SHQ1: variants seen among roughly 807,000 people sequenced by gnomAD.
The protein encoded by SHQ1 is protein SHQ1 homolog.
Under a neutral mutation model 53.8 loss-of-function variants are expected in SHQ1, and 49 were observed. The ratio of observed to expected loss-of-function variants is 0.91; its 90% confidence interval spans 0.72 to 1.16. SHQ1 has a LOEUF of 1.16. Among genes scored for constraint, SHQ1 ranks in the 50% most tolerant of loss-of-function variants. The probability of loss-of-function intolerance (pLI) is 0.00; values close to 1 mark genes in which losing one functional copy is unlikely to be tolerated. For synonymous variants in SHQ1, 243 were observed against 251.0 expected (o/e 0.97, Z 0.30); for missense variants, 738 against 683.1 (o/e 1.08, Z -0.90).
downstream of SHQ1, among the ~76,000 whole-genome samples, chr3:72,747,326 T>A (rs1306628768): frequency 6.6e-6 from 1 of 152,168 alleles, no homozygotes; most frequent in African/African-American, 2.4e-5. Flanking sequence ...AGAATTACAC[T>A]TCCAATCCCG....
intron 8 of SHQ1, among the ~76,000 whole-genome samples, chr3:72,813,587 C>A (rs938130180): frequency 4.6e-5 from 7 of 151,416 alleles, no homozygotes; most frequent in Non-Finnish European, 7.4e-5. Context: ...CACGATGAAA[C>A]CCCGTCTCTA....
chr3:72,833,440 G>A (rs867001999), intron 4 of SHQ1, among the ~76,000 whole-genome samples: 2 of 146,794 alleles, frequency 1.4e-5, no homozygotes, highest in African/African-American at 5.1e-5. Flanking sequence ...GACTCTATCA[G>A]AGATGATAGA....
intron 9 of SHQ1, among the ~76,000 whole-genome samples, chr3:72,797,351 A>C (rs1056709314): frequency 4.6e-5 from 7 of 152,216 alleles, no homozygotes; most frequent in Admixed American, 4.6e-4. Context: ...TCCACTGAGC[A>C]AATATGTGAG....
At chr3:72,815,265 G>C in intron 8 of SHQ1, 85 bp downstream of exon 8, 1 of 1,097,076 alleles carries the variant, frequency 9.1e-7, no homozygotes, top group Non-Finnish European at 1.4e-6. Context: ...TCAAGGAATT[G>C]CTTGAATTAC....
chr3:72,732,932 C>T, the SHQ1 span, among the ~76,000 whole-genome samples: 43 of 151,716 alleles, frequency 2.8e-4, 1 homozygote, highest in Admixed American at 9.2e-4. Flanking sequence ...CTGGGTTTGT[C>T]GGGGAATAAT....
the SHQ1 span, among the ~76,000 whole-genome samples, chr3:72,725,309 G>T: frequency 6.6e-6 from 1 of 152,156 alleles, no homozygotes; most frequent in Non-Finnish European, 1.5e-5. Flanking sequence ...TCTCCAAACT[G>T]GCCTCTGCAC....
chr3:72,833,487 TAGATAGATAGATAGAC>T (rs200346273), intron 4 of SHQ1, among the ~76,000 whole-genome samples: 8,954 of 101,302 alleles, frequency 0.088, 318 homozygotes, highest in South Asian at 0.088. Context: ...GATAGATAGA[TAGATAGATAGATAGAC>T]AGACAGACAG....
intron 10 of SHQ1, among the ~76,000 whole-genome samples, chr3:72,760,249 T>G (rs2106716621): frequency 6.6e-6 from 1 of 152,316 alleles, no homozygotes; most frequent in East Asian, 1.9e-4. Context: ...ATAAAAATAC[T>G]GGCAAGATGG....
the SHQ1 span, among the ~76,000 whole-genome samples, chr3:72,726,648 G>A: frequency 1.3e-5 from 2 of 152,132 alleles, no homozygotes; most frequent in African/African-American, 4.8e-5. Flanking sequence ...CACCACGCCG[G>A]GCCACATTTG....
the SHQ1 span, among the ~76,000 whole-genome samples, chr3:72,740,653 C>T: frequency 6.6e-6 from 1 of 152,116 alleles, no homozygotes; most frequent in Non-Finnish European, 1.5e-5. Context: ...AATGCTCAGG[C>T]GTTATGGAGC....
the SHQ1 span, among the ~76,000 whole-genome samples, chr3:72,738,432 C>T: frequency 2.0e-5 from 3 of 152,066 alleles, no homozygotes; most frequent in East Asian, 1.9e-4. Context: ...TTCAATGTGC[C>T]CCGAGAGCCA....
chr3:72,807,386 A>C (rs1472742671), intron 9 of SHQ1, among the ~76,000 whole-genome samples: 1 of 152,234 alleles, frequency 6.6e-6, no homozygotes, highest in Non-Finnish European at 1.5e-5. Context: ...GGTTCTCAAC[A>C]AATACTTGTT....
At chr3:72,761,203 G>C (rs114549363) in intron 10 of SHQ1, among the ~76,000 whole-genome samples, 2,852 of 152,028 alleles carry the variant, frequency 0.019, 87 homozygotes, top group African/African-American at 0.063. Context: ...ATGGAGTCTT[G>C]TTCCATCGCC....
At position 72,753,834 on chromosome 3, in the gene SHQ1, A is replaced by T. The variant is rs1575673711; in HGVS notation, c.1182-2998T>A. 3.3e-5 allele frequency among the ~76,000 whole-genome samples: 5 copies of T among 152,330 alleles called. No homozygotes were observed. In the Middle Eastern group the frequency reaches 0.01, roughly 311 times the overall value. On this transcript the variant is annotated intron_variant, in intron 10 of 10. Coordinates refer to ENST00000325599, the MANE Select transcript of SHQ1 (RefSeq NM_018130.3). ...TTGCATTTATACCCAAGACAGTTGTAGATAATGTCCACCATATATTTTGAA... is the reference window on the plus strand; with the variant it reads ...TTGCATTTATACCCAAGACAGTTGTTGATAATGTCCACCATATATTTTGAA...
chr3:72,824,362 G>A lies in SHQ1; in HGVS notation c.727+62C>T, dbSNP rs1707579383. ...TATACGCTTAATAATATGGAAGGCAGTAAACGTGGTACACCATGAGATTTT... is the reference window on the plus strand; with the variant it reads ...TATACGCTTAATAATATGGAAGGCAATAAACGTGGTACACCATGAGATTTT... On this transcript the variant is annotated intron_variant, in intron 6 of 10. Transcript: ENST00000325599. 3 of 1,579,910 alleles carry A rather than the reference G, an allele frequency of 1.9e-6. No homozygotes were observed. The East Asian group carries it at 6.8e-5, about 36-fold the overall frequency.
At chr3:72,741,949 C>T in the SHQ1 span, among the ~76,000 whole-genome samples, 2 of 152,010 alleles carry the variant, frequency 1.3e-5, no homozygotes, top group Non-Finnish European at 2.9e-5. Flanking sequence ...GTAGGTTATA[C>T]ACAACTATTA....
At chr3:72,790,599 T>G (rs977036243) in intron 10 of SHQ1, among the ~76,000 whole-genome samples, 1 of 152,168 alleles carries the variant, frequency 6.6e-6, no homozygotes, top group Non-Finnish European at 1.5e-5. Context: ...TACACTGCAG[T>G]AGAATTATTT....
intron 10 of SHQ1, chr3:72,753,621 G>A (rs960645050): frequency 1.0e-6 from 1 of 985,232 alleles, no homozygotes; most frequent in Non-Finnish European, 1.2e-6. Flanking sequence ...CTTAGCCCTG[G>A]GTTTCAGTGC....
chr3:72,822,623 G>A (rs1260960118), intron 6 of SHQ1, among the ~76,000 whole-genome samples: 2 of 152,140 alleles, frequency 1.3e-5, no homozygotes, highest in Admixed American at 6.5e-5. Flanking sequence ...TTAAAATACC[G>A]TGCTAAAATT....
Sources: gnomAD v4.1 joint callset for allele counts (sites outside exome capture counted in the v4.1 genomes callset) on GRCh38, gnomAD v4.1.1 for gene constraint, MANE v1.5 for transcripts, NCBI Gene and HGNC (gene_info 2026-07-23, HGNC 2026-07-21) for gene names.